SOX5: variants seen among roughly 807,000 people sequenced by gnomAD.
SOX5 encodes the protein SRY-box transcription factor 5.
Under a neutral mutation model 92.0 loss-of-function variants are expected in SOX5, and 9 were observed. The ratio of observed to expected loss-of-function variants is 0.10; its 90% CI spans 0.06 to 0.17. SOX5 has a LOEUF of 0.17. Among genes scored for constraint, SOX5 ranks in the 10% least tolerant of loss-of-function variants. The pLI is 1.00. For missense variants in SOX5, 642 were observed against 944.5 expected, an observed-to-expected ratio of 0.68 and a Z score of 4.20; for synonymous variants, 344 against 336.3, an observed-to-expected ratio of 1.02 and a Z score of -0.25.
intron 4 of SOX5, among the ~76,000 whole-genome samples, chr12:24,114,651 G>T (rs1427946142): frequency 6.7e-6 from 1 of 148,878 alleles, no homozygotes; most frequent in Non-Finnish European, 1.5e-5. Context: ...TAGTATTCTG[G>T]CTAGGCATGG....
chr12:24,456,567 C>A (rs1943044391), intron 1 of SOX5, among the ~76,000 whole-genome samples: 1 of 152,128 alleles, frequency 6.6e-6, no homozygotes, highest in South Asian at 2.1e-4. Context: ...GCCTTCACAG[C>A]AAGTCAGTGA....
intron 1 of SOX5, among the ~76,000 whole-genome samples, chr12:24,462,910 A>T (rs767088889): frequency 6.6e-6 from 1 of 152,180 alleles, no homozygotes; most frequent in East Asian, 1.9e-4. Flanking sequence ...TGACTACTGC[A>T]TTATACATTT....
chr12:23,853,576 T>C (rs1336431125), intron 2 of SOX5, among the ~76,000 whole-genome samples: 2 of 151,026 alleles, frequency 1.3e-5, no homozygotes, highest in Non-Finnish European at 3.0e-5. Context: ...CAAATGCTCC[T>C]TCAGAGTATT....
At chr12:23,818,885 T>G (rs2096053032) in intron 3 of SOX5, among the ~76,000 whole-genome samples, 1 of 152,152 alleles carries the variant, frequency 6.6e-6, no homozygotes, top group Middle Eastern at 3.2e-3. Flanking sequence ...TACCACCATC[T>G]GCCACCTCAG....
intron 3 of SOX5, among the ~76,000 whole-genome samples, chr12:23,841,377 A>G (rs1568248681): frequency 6.6e-6 from 1 of 152,094 alleles, no homozygotes; most frequent in African/African-American, 2.4e-5. Context: ...TCTGATAGCC[A>G]CTTTGGAAGA....
At chr12:24,033,843 G>A (rs1030160235) in intron 4 of SOX5, among the ~76,000 whole-genome samples, 1 of 151,990 alleles carries the variant, frequency 6.6e-6, no homozygotes, top group Admixed American at 6.6e-5. Context: ...CCTTACGCTA[G>A]CCTGAGTCAG....
intron 1 of SOX5, among the ~76,000 whole-genome samples, chr12:24,446,889 G>A (rs1941559370): frequency 6.6e-6 from 1 of 152,226 alleles, no homozygotes; most frequent in Admixed American, 6.5e-5. Flanking sequence ...AGGTATATCA[G>A]TGGGACGCAG....
chr12:23,922,469 CTT>C (rs1200823704), intron 1 of SOX5, among the ~76,000 whole-genome samples: 1 of 152,176 alleles, frequency 6.6e-6, no homozygotes, highest in Non-Finnish European at 1.5e-5. Flanking sequence ...AGAAAAATAT[CTT>C]TGAGTACAAA....
chr12:24,085,266 A>G (rs1164809973), intron 4 of SOX5, among the ~76,000 whole-genome samples: 1 of 152,092 alleles, frequency 6.6e-6, no homozygotes, highest in East Asian at 1.9e-4. Context: ...CCTTTGGGCC[A>G]TCTGAAAACT....
intron 1 of SOX5, among the ~76,000 whole-genome samples, chr12:24,391,730 G>A (rs1299353752): frequency 6.6e-6 from 1 of 152,086 alleles, no homozygotes; most frequent in East Asian, 1.9e-4. Flanking sequence ...ACCCATACTG[G>A]CTTCTGGTGA....
intron 1 of SOX5, among the ~76,000 whole-genome samples, chr12:23,912,392 T>C (rs1168547655): frequency 6.6e-6 from 1 of 152,172 alleles, no homozygotes. Context: ...CCATCAAAGA[T>C]TGCTGTTAGG....
intron 8 of SOX5, among the ~76,000 whole-genome samples, chr12:23,630,754 C>T (rs2078431104): frequency 6.6e-6 from 1 of 151,734 alleles, no homozygotes; most frequent in Non-Finnish European, 1.5e-5. Context: ...GGTAACTTGC[C>T]CAGAGTCACA....
chr12:23,797,989 C>A (rs776911118), intron 3 of SOX5, among the ~76,000 whole-genome samples: 4 of 151,874 alleles, frequency 2.6e-5, no homozygotes, highest in Non-Finnish European at 4.4e-5. Flanking sequence ...CCCCAAATAT[C>A]TGCATGATTC....
At chr12:23,653,033 T>TGGATGGATGGAC (rs1434752693) in intron 7 of SOX5, among the ~76,000 whole-genome samples, 5 of 88,272 alleles carry the variant, frequency 5.7e-5, no homozygotes, top group African/African-American at 1.2e-4. Context: ...TACAGATAGA[T>TGGATGGATGGAC]GGATGGATGG....
chr12:24,041,692 T>G (rs747896170), intron 4 of SOX5, among the ~76,000 whole-genome samples: 14 of 152,078 alleles, frequency 9.2e-5, no homozygotes, highest in Non-Finnish European at 1.8e-4. Flanking sequence ...TTATGTAAAT[T>G]AAAACACAGG....
At chr12:24,477,380 C>T (rs1394428693) in intron 1 of SOX5, among the ~76,000 whole-genome samples, 14 of 152,148 alleles carry the variant, frequency 9.2e-5, no homozygotes, top group Admixed American at 5.9e-4. Context: ...ATGATCCACC[C>T]ACCTCGGCCT....
chr12:24,191,818 A>T (rs2067489774), intron 4 of SOX5, among the ~76,000 whole-genome samples: 1 of 152,172 alleles, frequency 6.6e-6, no homozygotes, highest in South Asian at 2.1e-4. Context: ...ATTATGAACT[A>T]GAGAAAGGCA....
intron 3 of SOX5, among the ~76,000 whole-genome samples, chr12:23,831,317 C>T (rs553246020): frequency 6.6e-6 from 1 of 151,848 alleles, no homozygotes. Context: ...GGATATGTTA[C>T]TGTTTTGTTC....
At chr12:24,499,754 CT>C (rs35069628) in intron 1 of SOX5, among the ~76,000 whole-genome samples, 43,280 of 139,346 alleles carry the variant, frequency 0.31, 7,422 homozygotes, top group East Asian at 0.71. Flanking sequence ...AAAAATCTGC[CT>C]TTTTTTTTTT....
Sources: allele counts gnomAD v4.1 joint callset (sites outside exome capture counted in the v4.1 genomes callset), GRCh38; gene constraint gnomAD v4.1.1; transcripts MANE v1.5; gene names NCBI Gene and HGNC (gene_info 2026-07-23, HGNC 2026-07-21).